The following USF1 variants were observed in gnomAD, a reference collection of about 807,000 sequenced individuals.
The protein encoded by USF1 is upstream stimulatory factor 1.
In USF1, 22 loss-of-function variants were observed where a neutral mutation model predicts 46.3. The ratio of observed to expected loss-of-function variants is 0.47; its 90% CI spans 0.34 to 0.68. USF1 has a LOEUF of 0.68. Among genes scored for constraint, USF1 ranks in the 30% least tolerant of loss-of-function variants. The pLI is 0.01. For missense variants in USF1, 287 were observed against 399.3 expected (o/e 0.72, Z 2.40); for synonymous variants, 150 against 147.0 (o/e 1.02, Z -0.15).
At position 161,040,781 on chromosome 1, in the gene USF1, G is replaced by T; in HGVS notation, c.619+33C>A. 1 of 1,613,938 alleles carries T rather than the reference G, an allele frequency of 6.2e-7. No homozygotes were observed. The highest frequency in any genetic ancestry group is 2.2e-5 in the East Asian group (1 of 44,874). On this transcript the variant is annotated intron_variant, in intron 8 of 10. Coordinates refer to ENST00000368021, the MANE Select transcript of USF1 (RefSeq NM_007122.5). This position sits in a 1 kb window ranked among gnomAD's most constrained non-coding sequence, Gnocchi z 4.0. ...AGACATCACTGCTGAGATCACACCA[G>T]ACAGCTTCTAGCTCCACCCAGATCA...
In USF1 at chr1:161,043,325, T is replaced by C. The variant is rs1650649261; in HGVS notation, c.-50A>G. The C allele has an allele frequency of 1.9e-6, 3 of 1,614,056 alleles. No individual in the cohort carries two copies. Among genetic ancestry groups the C allele is most frequent in the Admixed American group, 1.7e-5 (1 of 60,006 alleles). ...GGAACTGGTCCTTTTTTGGAGGTCT[T>C]TGTATCTCCTGATTCACAGGCCTGA... On this transcript the variant is annotated 5_prime_UTR_variant, in exon 2 of 11. Transcript: ENST00000368021.
chr1:161,043,187 C>T (rs1650644649), intron 2 of USF1, 81 bp downstream of exon 2: 1 of 1,611,068 alleles, frequency 6.2e-7, no homozygotes, highest in South Asian at 1.1e-5. Flanking sequence ...CTGCCTGACT[C>T]CAGAGGCAGT....
chr1:161,045,154 G>C (rs1278111398), intron 1 of USF1, among the ~76,000 whole-genome samples: 2 of 152,196 alleles, frequency 1.3e-5, no homozygotes, highest in Non-Finnish European at 2.9e-5. Flanking sequence ...ATGAAATAGA[G>C]GGCCCGGCAC....
At position 161,041,724 on chromosome 1, in the gene USF1, C is replaced by T. The variant is rs781322237; in HGVS notation, c.399G>A (p.Ser133=). 14 of 1,613,960 alleles carry T rather than the reference C, an allele frequency of 8.7e-6. No individual in the cohort carries two copies. Among genetic ancestry groups the T allele is most frequent in the Non-Finnish European group, 1.2e-5 (14 of 1,179,980 alleles). ...TAGTAACAACAGCAGCTGTACTCCC[C>T]GATGTGGTACCCCCTGCCCCATCTC... is the stretch of plus-strand genomic sequence containing the variant. ...AVGDGAGGTT[S]GSTAAVVTTQ... Residue 133 remains serine (S), a synonymous_variant, in exon 6 of 11, where the codon TCG becomes TCA. Transcript: ENST00000368021.
chr1:161,043,342 C>T lies in USF1; in HGVS notation c.-67G>A, dbSNP rs1650650523. On this transcript the variant is annotated 5_prime_UTR_variant, in exon 2 of 11. The change creates a new upstream start codon in the 5' untranslated region. Transcript: ENST00000368021. ...GGAGGTCTTTGTATCTCCTGATTCA[C>T]AGGCCTGAGTGCTAAGTCCTGGTAG... The T allele has an allele frequency of 6.2e-7, 1 of 1,613,004 alleles. No individual in the cohort carries two copies. Among genetic ancestry groups the T allele is most frequent in the Non-Finnish European group, 8.5e-7 (1 of 1,179,208 alleles).
At chr1:161,043,506 G>A in intron 1 of USF1, 146 bp from the exon 2 acceptor site, 1 of 634,366 alleles carries the variant, frequency 1.6e-6, no homozygotes, top group Non-Finnish European at 2.7e-6. Flanking sequence ...TGATGTTGAG[G>A]ACTGGCCTAC....
At position 161,041,274 on chromosome 1, in the gene USF1, A is replaced by C. The variant is rs751319720; in HGVS notation, c.560+50T>G. ...AAGACTCTGTCTCAAAAAAAAAAAA[A>C]AAAAAAAAAAACCACTTACGGAATC... On this transcript the variant is annotated intron_variant, in intron 7 of 10. Coordinates refer to ENST00000368021, the MANE Select transcript of USF1 (RefSeq NM_007122.5). 1.4e-5 allele frequency: 19 copies of C among 1,398,974 alleles called. No homozygotes were observed. The Admixed American group carries it at 3.3e-4, about 25-fold the overall frequency. The allele number at this position is 1,398,974 out of a possible 1,614,324, so 86.7% of individuals were successfully genotyped here.
In USF1 at chr1:161,040,479, A is replaced by G. The variant is rs1000550967; in HGVS notation, c.714+97T>C. ...TACAGGAACCTCAGGGAGAGATAAG[A>G]CTACTGTCATGTGTGCCCCTCTCTC... On this transcript the variant is annotated intron_variant, in intron 9 of 10. Coordinates refer to ENST00000368021, the MANE Select transcript of USF1 (RefSeq NM_007122.5). This position sits in a 1 kb window ranked among gnomAD's most constrained non-coding sequence, Gnocchi z 4.0. 1 of 1,556,492 alleles carries G rather than the reference A, an allele frequency of 6.4e-7. No individual in the cohort carries two copies. Among genetic ancestry groups the G allele is most frequent in the Non-Finnish European group, 8.7e-7 (1 of 1,145,680 alleles).
rs940759722 is a variant in USF1, at chr1:161,040,396, G to C, written c.715-66C>G. 1.4e-5 allele frequency: 23 copies of C among 1,604,790 alleles called. No homozygotes were observed. In the South Asian group the frequency reaches 2.3e-4, roughly 16 times the overall value. On this transcript the variant is annotated intron_variant, in intron 9 of 10. Transcript: ENST00000368021. The surrounding 1 kb of genome is among the most constrained non-coding windows in gnomAD (Gnocchi z 4.0). ...ATACCCAGCTTGCTTTCCAAAAGTAGGTTCACACTTTGGACCTCATTTTCA... is the reference window on the plus strand; with the variant it reads ...ATACCCAGCTTGCTTTCCAAAAGTACGTTCACACTTTGGACCTCATTTTCA...
At chr1:161,042,504 C>T (rs367675280) in intron 4 of USF1, 51 bp downstream of exon 4, 54 of 1,598,824 alleles carry the variant, frequency 3.4e-5, no homozygotes, top group Non-Finnish European at 1.7e-6. Context: ...AATTACCTCC[C>T]TCAATCCCAA....
intron 1 of USF1, among the ~76,000 whole-genome samples, chr1:161,045,369 C>A (rs1255722795): frequency 2.0e-5 from 3 of 152,178 alleles, no homozygotes; most frequent in Non-Finnish European, 4.4e-5. Flanking sequence ...CTTGCTAAGT[C>A]TGGACACAAA....
chr1:161,042,188 C>T lies in USF1; in HGVS notation c.204G>A (p.Glu68=). Reference sequence around the variant, plus strand: ...CCTCAGTTTGGCCATCCAGCTGCCCCTCAGACACCTGGATCACCCTGTACA... The same window carrying T: ...CCTCAGTTTGGCCATCCAGCTGCCCTTCAGACACCTGGATCACCCTGTACA... The part of the protein sequence containing the change: ...QVMYRVIQVS[E]GQLDGQTEGT... Residue 68 remains glutamate, a synonymous_variant, in exon 5 of 11, where the codon GAG becomes GAA. Transcript: ENST00000368021. 5.6e-6 allele frequency: 9 copies of T among 1,614,016 alleles called. No homozygotes were observed. The highest frequency in any genetic ancestry group is 7.6e-6 in the Non-Finnish European group (9 of 1,179,966).
In USF1 at chr1:161,041,807, C is replaced by G; in HGVS notation, c.316G>C (p.Asp106His). ...QGAFTSDDAV[D>H]TEGTAAETHY... ...GTCTCAGCAGCTGTCCCCTCCGTGTCAACTGCATCATCACTGGTGAAAGCA... is the reference window on the plus strand; with the variant it reads ...GTCTCAGCAGCTGTCCCCTCCGTGTGAACTGCATCATCACTGGTGAAAGCA... Residue 106 changes from aspartate (D) to histidine (H), a missense_variant, in exon 6 of 11, where the codon GAC becomes CAC. Coordinates refer to ENST00000368021, the MANE Select transcript of USF1 (RefSeq NM_007122.5). 1 of 1,613,928 alleles carries G rather than the reference C, an allele frequency of 6.2e-7. No individual in the cohort carries two copies. Among genetic ancestry groups the G allele is most frequent in the Non-Finnish European group, 8.5e-7 (1 of 1,179,890 alleles).
At chr1:161,041,291 T>G (rs746351268) in intron 7 of USF1, 33 bp downstream of exon 7, 14 of 1,202,632 alleles carry the variant, frequency 1.2e-5, no homozygotes, top group Non-Finnish European at 1.5e-5. Flanking sequence ...AAAAACCACT[T>G]ACGGAATCTG....
intron 1 of USF1, among the ~76,000 whole-genome samples, chr1:161,044,234 C>T (rs186708985): frequency 1.6e-4 from 24 of 152,318 alleles, no homozygotes; most frequent in African/African-American, 4.8e-4. Context: ...TGAGCCACCG[C>T]ACCCAGCCAA....
chr1:161,044,455 TG>T (rs1422406645), intron 1 of USF1, among the ~76,000 whole-genome samples: 2 of 152,296 alleles, frequency 1.3e-5, no homozygotes, highest in African/African-American at 4.8e-5. Flanking sequence ...CCACTACCAC[TG>T]GAAGAATATC....
chr1:161,040,845 C>T lies in USF1; in HGVS notation c.588G>A (p.Arg196=). 1 of 1,614,094 alleles carries T rather than the reference C, an allele frequency of 6.2e-7. No homozygotes were observed. The highest frequency in any genetic ancestry group is 8.5e-7 in the Non-Finnish European group (1 of 1,180,016). ...SPKSEAPRTT[R]DEKRRAQHNE... is the part of the protein sequence containing the mutation. The stretch of plus-strand genomic sequence containing the variant: ...TATGCTGAGCCCTGCGTTTCTCATC[C>T]CGAGTCGTCCGGGGAGCTTCTGACT... Residue 196 remains arginine, a synonymous_variant, in exon 8 of 11, where the codon CGG becomes CGA. Coordinates refer to ENST00000368021, the MANE Select transcript of USF1 (RefSeq NM_007122.5). The surrounding 1 kb of genome is among the most constrained non-coding windows in gnomAD (Gnocchi z 4.0).
In USF1 at chr1:161,040,558, C is replaced by A. The variant is rs748672508; in HGVS notation, c.714+18G>T. ...CAGAATTCAGGCATCCTGCCCACTA[C>A]CAGGGTCTTTCCATGACCTGGCCAG... On this transcript the variant is annotated intron_variant, in intron 9 of 10. Transcript: ENST00000368021. This position sits in a 1 kb window ranked among gnomAD's most constrained non-coding sequence, Gnocchi z 4.0. 6.2e-7 allele frequency: 1 copy of A among 1,609,972 alleles called. No individual in the cohort carries two copies. Among genetic ancestry groups the A allele is most frequent in the Admixed American group, 1.7e-5 (1 of 59,298 alleles).
intron 6 of USF1, 112 bp from the exon 7 acceptor site, chr1:161,041,523 C>T (rs1036592915): frequency 3.4e-6 from 5 of 1,473,584 alleles, no homozygotes; most frequent in African/African-American, 2.8e-5. Flanking sequence ...AGAAGAGCAG[C>T]CCCAGACTCA....
Sources: allele counts gnomAD v4.1 joint callset (sites outside exome capture counted in the v4.1 genomes callset), GRCh38; gene constraint gnomAD v4.1.1; non-coding constraint Gnocchi (gnomAD v3.1); transcripts MANE v1.5; gene names NCBI Gene and HGNC (gene_info 2026-07-23, HGNC 2026-07-21).